The following INO80D variants were observed in gnomAD, a reference collection of about 807,000 sequenced individuals.
The protein encoded by INO80D is INO80 complex subunit D.
Under a neutral mutation model 87.6 loss-of-function variants are expected in INO80D, and 21 were observed. The ratio of observed to expected loss-of-function variants is 0.24; its 90% CI spans 0.17 to 0.35. The LOEUF is 0.35. INO80D is among the 10% of genes least tolerant of loss of function. The pLI, the probability that INO80D is intolerant of heterozygous loss-of-function variation, is 1.00. For missense variants in INO80D, 982 were observed against 1,280.7 expected, an observed-to-expected ratio of 0.77 and a Z score of 3.56; for synonymous variants, 440 against 491.0, an observed-to-expected ratio of 0.90 and a Z score of 1.37.
At chr2:206,048,482 C>T (rs1261390691) in intron 4 of INO80D, among the ~76,000 whole-genome samples, 2 of 152,184 alleles carry the variant, frequency 1.3e-5, no homozygotes, top group African/African-American at 4.8e-5. Flanking sequence ...ATCTACCTGC[C>T]TTAGCCTCCC....
chr2:206,017,872 A>G, intron 7 of INO80D, 59 bp from the exon 8 acceptor site: 1 of 1,502,074 alleles, frequency 6.7e-7, no homozygotes, highest in African/African-American at 1.4e-5. Flanking sequence ...CAATTTCTAT[A>G]TAAAATTTGC....
At chr2:206,028,748 G>A (rs1307153658) in intron 5 of INO80D, among the ~76,000 whole-genome samples, 1 of 152,142 alleles carries the variant, frequency 6.6e-6, no homozygotes, top group Non-Finnish European at 1.5e-5. Context: ...CAGAAATAGG[G>A]CAGCGAATTC....
chr2:206,053,616 C>A (rs1192606057), intron 4 of INO80D, among the ~76,000 whole-genome samples: 4 of 152,122 alleles, frequency 2.6e-5, no homozygotes, highest in African/African-American at 9.7e-5. Flanking sequence ...ATTCCATCCT[C>A]CCTAGGGTAG....
chr2:206,083,217 A>G (rs1461199333), intron 1 of INO80D, among the ~76,000 whole-genome samples: 2 of 152,262 alleles, frequency 1.3e-5, no homozygotes, highest in African/African-American at 4.8e-5. Flanking sequence ...AGGGTGGGAA[A>G]AAGTACAAAA....
At chr2:206,050,100 T>C (rs940361049) in intron 4 of INO80D, among the ~76,000 whole-genome samples, 16 of 151,664 alleles carry the variant, frequency 1.1e-4, no homozygotes, top group Non-Finnish European at 1.8e-4. Context: ...ACCACGGCAC[T>C]CCAGCCTGGG....
At chr2:206,013,657 T>C (rs1688239043) in intron 8 of INO80D, among the ~76,000 whole-genome samples, 1 of 152,086 alleles carries the variant, frequency 6.6e-6, no homozygotes, top group Non-Finnish European at 1.5e-5. Flanking sequence ...TCTTCCTCAG[T>C]ATCTTAGAAG....
At chr2:206,040,355 A>C (rs1490997802) in intron 5 of INO80D, 3 of 153,154 alleles carry the variant, frequency 2.0e-5, no homozygotes, top group African/African-American at 7.2e-5. Context: ...CATTTAAAGA[A>C]TAACTAACAT....
At position 206,078,675 on chromosome 2, in the gene INO80D, G is replaced by A. The variant is rs192394088; in HGVS notation, c.-124+7226C>T. Among the ~76,000 whole-genome samples, 8 of 151,898 alleles carry A rather than the reference G, an allele frequency of 5.3e-5. No individual in the cohort carries two copies. The East Asian group carries it at 7.8e-4, about 15-fold the overall frequency. ...AAAAAAGAAAAAGACAGCCAGGCGC[G>A]GTGGCTCACGCCTGTAATCCCAGCA... is the stretch of plus-strand genomic sequence containing the variant. On this transcript the variant is annotated intron_variant, in intron 1 of 10. Transcript: ENST00000403263.
chr2:206,007,519 C>T, intron 9 of INO80D, 78 bp from the exon 10 acceptor site: 1 of 1,490,308 alleles, frequency 6.7e-7, no homozygotes, highest in Non-Finnish European at 9.0e-7. Context: ...GTTCATTCAA[C>T]ATGAAAAGAA....
intron 5 of INO80D, among the ~76,000 whole-genome samples, chr2:206,044,540 A>G (rs1689144387): frequency 6.6e-6 from 1 of 151,850 alleles, no homozygotes; most frequent in Admixed American, 6.6e-5. Context: ...AGGGGAGCAG[A>G]GTATCGTAGT....
At chr2:206,008,248 T>C (rs1688079691) in intron 9 of INO80D, among the ~76,000 whole-genome samples, 1 of 148,574 alleles carries the variant, frequency 6.7e-6, no homozygotes, top group South Asian at 2.1e-4. Context: ...CCTCCCAAAG[T>C]GTTGGGATTA....
At position 206,004,449 on chromosome 2, in the gene INO80D, G is replaced by A; in HGVS notation, c.3003C>T (p.Ala1001=). ...KDLQPSHSSI[A]PPTGFTVTGA... is the part of the protein sequence containing the mutation. ...CTGTTACTGTGAAGCCTGTAGGAGG[G>A]GCTATAGAGCTGTGGCTGGGCTGCA... Residue 1001 remains alanine, a synonymous_variant, in exon 11 of 11, where the codon GCC becomes GCT. Transcript: ENST00000403263. The surrounding 1 kb of genome is among the most constrained non-coding windows in gnomAD (Gnocchi z 4.9). 6.2e-7 allele frequency: 1 copy of A among 1,606,300 alleles called. No homozygotes were observed. Among genetic ancestry groups the A allele is most frequent in the African/African-American group, 1.3e-5 (1 of 74,922 alleles).
At chr2:206,051,144 A>T (rs1689356382) in intron 4 of INO80D, among the ~76,000 whole-genome samples, 1 of 152,206 alleles carries the variant, frequency 6.6e-6, no homozygotes, top group Non-Finnish European at 1.5e-5. Flanking sequence ...ACCAAAACCC[A>T]GACTCAAAAG....
rs1010812182 is a variant in INO80D, at chr2:205,994,264, A to C, written c.*10104T>G. ...GATTGTCAGTTTGTAAGTTCCCTTT[A>C]AGCGGCTTTTATATTTTTGTATTTA... On this transcript the variant is annotated 3_prime_UTR_variant, in exon 11 of 11. Transcript: ENST00000403263. 7 of 152,200 alleles carry C rather than the reference A, an allele frequency of 4.6e-5. No homozygotes were observed. The allele number at this position is 152,200 out of a possible 1,614,324, so 9.4% of individuals were successfully genotyped here.
At chr2:206,017,270 G>A (rs1011411306) in intron 8 of INO80D, among the ~76,000 whole-genome samples, 20 of 152,126 alleles carry the variant, frequency 1.3e-4, no homozygotes, top group African/African-American at 4.1e-4. Flanking sequence ...TCCTTTAAAT[G>A]ATTATATAAT....
chr2:206,081,618 T>G (rs1690285584), intron 1 of INO80D, among the ~76,000 whole-genome samples: 1 of 151,522 alleles, frequency 6.6e-6, no homozygotes, highest in Non-Finnish European at 1.5e-5. Flanking sequence ...CCAGGCATGG[T>G]GGCAAGCACC....
intron 1 of INO80D, among the ~76,000 whole-genome samples, chr2:206,084,273 A>ACACCCC (rs1553623578): frequency 3.5e-5 from 5 of 144,398 alleles, no homozygotes; most frequent in East Asian, 2.0e-4. Flanking sequence ...ACACACACAC[A>ACACCCC]CCCCAAAACC....
At chr2:206,048,509 A>C (rs1319638121) in intron 4 of INO80D, among the ~76,000 whole-genome samples, 1 of 152,196 alleles carries the variant, frequency 6.6e-6, no homozygotes, top group Admixed American at 6.5e-5. Context: ...CTGCAATTAC[A>C]TGCATGAGCC....
At chr2:206,017,010 C>T (rs866664930) in intron 8 of INO80D, among the ~76,000 whole-genome samples, 46 of 152,160 alleles carry the variant, frequency 3.0e-4, no homozygotes, top group African/African-American at 1.1e-3. Flanking sequence ...GTGAATCACA[C>T]ACATTGAGAC....
Sources: allele counts gnomAD v4.1 joint callset (sites outside exome capture counted in the v4.1 genomes callset), GRCh38; gene constraint gnomAD v4.1.1; non-coding constraint Gnocchi (gnomAD v3.1); transcripts MANE v1.5; gene names NCBI Gene and HGNC (gene_info 2026-07-23, HGNC 2026-07-21).